NCAM1: variants seen among roughly 807,000 people sequenced by gnomAD.
The protein encoded by NCAM1 is neural cell adhesion molecule 1, also known as antigen recognized by monoclonal antibody 5.1H11.
A neutral mutation model predicts 109.8 loss-of-function variants in NCAM1; 14 were observed. That is an observed-to-expected ratio of 0.13 (90% confidence interval 0.08 to 0.20). NCAM1 has a LOEUF of 0.20. Ranked by LOEUF, NCAM1 falls within the 10% of genes least tolerant of loss-of-function variation. The pLI, the probability that NCAM1 is intolerant of heterozygous loss-of-function variation, is 1.00. For synonymous variants in NCAM1, 418 were observed against 442.9 expected (o/e 0.94, Z 0.70); for missense variants, 774 against 1,109.9 (o/e 0.70, Z 4.30).
rs782748979 is a variant in NCAM1, at chr11:113,233,184, A to G, written c.1560A>G (p.Pro520=). The change falls in exon 13 of 20, where the codon CCA becomes CCG. Residue 520 remains proline, a synonymous_variant. Transcript: ENST00000316851. This position sits in a 1 kb window ranked among gnomAD's most constrained non-coding sequence, Gnocchi z 4.5. ...CACCATCCATCGACCAGGTGGAGCC[A>G]TACTCCAGCACAGCCCAGGTGCAGT... ...PSSPSIDQVE[P]YSSTAQVQFD... is the part of the protein sequence containing the mutation. The G allele has an allele frequency of 7.4e-6, 12 of 1,613,806 alleles. No homozygotes were observed. The highest frequency in any genetic ancestry group is 8.5e-7 in the Non-Finnish European group (1 of 1,179,878).
chr11:112,991,754 A>G (rs1411901503), intron 1 of NCAM1, among the ~76,000 whole-genome samples: 2 of 152,166 alleles, frequency 1.3e-5, no homozygotes, highest in African/African-American at 4.8e-5. Context: ...AATTTTAGAC[A>G]TATTTTGTAC....
chr11:113,221,077 A>T (rs138899047), intron 8 of NCAM1, among the ~76,000 whole-genome samples: 9 of 152,334 alleles, frequency 5.9e-5, no homozygotes, highest in Non-Finnish European at 1.3e-4. Flanking sequence ...CTTTTGAATT[A>T]TACATTTTAA....
intron 1 of NCAM1, among the ~76,000 whole-genome samples, chr11:113,134,771 T>C (rs1042732168): frequency 5.9e-5 from 9 of 152,232 alleles, no homozygotes; most frequent in Non-Finnish European, 2.9e-5. Flanking sequence ...TTGTTGCAAG[T>C]ATTTTCGTAA....
chr11:113,142,846 T>C (rs1411028652), intron 1 of NCAM1, among the ~76,000 whole-genome samples: 2 of 152,184 alleles, frequency 1.3e-5, no homozygotes, highest in Non-Finnish European at 2.9e-5. Context: ...TATTTTCAGT[T>C]TTTACTGTAA....
intron 1 of NCAM1, among the ~76,000 whole-genome samples, chr11:113,109,365 A>G (rs1940332559): frequency 6.6e-6 from 1 of 151,440 alleles, no homozygotes; most frequent in Non-Finnish European, 1.5e-5. Flanking sequence ...AGAAAAAAAA[A>G]CAGAGGAGGG....
chr11:112,972,476 G>A (rs1555066996), intron 1 of NCAM1, among the ~76,000 whole-genome samples: 1 of 152,082 alleles, frequency 6.6e-6, no homozygotes, highest in African/African-American at 2.4e-5. Flanking sequence ...GCCTAGGTTA[G>A]AAAAGTATAA....
chr11:113,000,833 T>C (rs797033321), intron 1 of NCAM1, among the ~76,000 whole-genome samples: 4 of 11,222 alleles, frequency 3.6e-4, no homozygotes, highest in African/African-American at 4.9e-4. Context: ...TATATATATA[T>C]ATATATATAT....
chr11:113,270,867 TCTTGTC>T lies in NCAM1; in HGVS notation c.2339+476_2339+481del, dbSNP rs1308228441. Among the ~76,000 whole-genome samples, 11 of 152,128 alleles carry T rather than the reference TCTTGTC, an allele frequency of 7.2e-5. No individual in the cohort carries two copies. The East Asian group carries it at 2.1e-3, about 29-fold the overall frequency. The stretch of plus-strand genomic sequence containing the variant: ...CAACAGGGAACAAACAGATAGAAAT[TCTTGTC>T]CTTATGGAGCTGATGATCCAGATAC... On this transcript the variant is annotated intron_variant, in intron 18 of 19. Coordinates refer to ENST00000316851, the MANE Select transcript of NCAM1 (RefSeq NM_181351.5).
chr11:112,977,108 G>A (rs1269091330), intron 1 of NCAM1, among the ~76,000 whole-genome samples: 1 of 38,066 alleles, frequency 2.6e-5, no homozygotes, highest in Non-Finnish European at 6.7e-5. Flanking sequence ...CTTTTTCTTG[G>A]AAACTTTGGT....
intron 1 of NCAM1, among the ~76,000 whole-genome samples, chr11:113,036,637 G>C (rs1321654419): frequency 6.6e-6 from 1 of 152,012 alleles, no homozygotes; most frequent in Non-Finnish European, 1.5e-5. Context: ...GTCTTTATTT[G>C]GTGCTTCTGA....
At chr11:113,260,684 A>G (rs1945965608) in intron 17 of NCAM1, among the ~76,000 whole-genome samples, 1 of 152,158 alleles carries the variant, frequency 6.6e-6, no homozygotes, top group Admixed American at 6.5e-5. Flanking sequence ...CATCTGCCAC[A>G]TCATACTTGG....
intron 1 of NCAM1, among the ~76,000 whole-genome samples, chr11:113,034,916 T>C (rs1355914935): frequency 6.6e-6 from 1 of 152,190 alleles, no homozygotes; most frequent in African/African-American, 2.4e-5. Flanking sequence ...AAATATTCTG[T>C]TATTATCATA....
intron 1 of NCAM1, among the ~76,000 whole-genome samples, chr11:113,024,076 C>T (rs1328415591): frequency 1.3e-5 from 2 of 151,998 alleles, no homozygotes; most frequent in Non-Finnish European, 2.9e-5. Context: ...CTTGGGGTAA[C>T]ACTTACTCAG....
chr11:113,203,888 AG>A (rs1565497158), intron 2 of NCAM1, among the ~76,000 whole-genome samples: 2 of 152,222 alleles, frequency 1.3e-5, no homozygotes, highest in African/African-American at 4.8e-5. Context: ...GACTCAGACC[AG>A]TTAGGCTCTG....
intron 19 of NCAM1, chr11:113,272,802 T>C: frequency 1.2e-5 from 5 of 405,952 alleles, no homozygotes; most frequent in South Asian, 9.1e-5. Context: ...TGTGGGCCTG[T>C]GTCCGTGCCT....
At chr11:113,117,811 A>G (rs1940775742) in intron 1 of NCAM1, among the ~76,000 whole-genome samples, 4 of 152,040 alleles carry the variant, frequency 2.6e-5, no homozygotes. Context: ...GTAAACATGC[A>G]TCTTTTTATC....
At chr11:113,165,113 C>T (rs1489081489) in intron 1 of NCAM1, among the ~76,000 whole-genome samples, 2 of 152,146 alleles carry the variant, frequency 1.3e-5, no homozygotes, top group African/African-American at 2.4e-5. Flanking sequence ...ACAATGGAAA[C>T]GTGTCTGTGG....
chr11:113,264,074 G>A (rs1946079844), intron 17 of NCAM1: 11 of 985,228 alleles, frequency 1.1e-5, no homozygotes, highest in Non-Finnish European at 1.3e-5. Flanking sequence ...GAGACTCAGG[G>A]CTGAATCCTG....
rs373034741 is a variant in NCAM1 at position 113,236,273 on chromosome 11, G to A, written c.1825+1109G>A. On this transcript the variant is annotated intron_variant, in intron 14 of 19. Coordinates refer to ENST00000316851, the MANE Select transcript of NCAM1 (RefSeq NM_181351.5). ...GGTCTGTCTCTTGTTTTTTCTTTTC[G>A]TCTGTGTTCCATCCATGGGAAATGC... The A allele has an allele frequency of 1.0e-4, 160 of 1,600,846 alleles. 1 individual carries two copies. Among genetic ancestry groups the A allele is most frequent in the Admixed American group, 7.3e-4 (43 of 58,918 alleles).
Sources: allele counts gnomAD v4.1 joint callset (sites outside exome capture counted in the v4.1 genomes callset), GRCh38; gene constraint gnomAD v4.1.1; non-coding constraint Gnocchi (gnomAD v3.1); transcripts MANE v1.5; gene names NCBI Gene and HGNC (gene_info 2026-07-23, HGNC 2026-07-21).